SLC36A1: variants seen among roughly 807,000 people sequenced by gnomAD.
SLC36A1 encodes the protein proton-coupled amino acid transporter 1.
In SLC36A1, 30 loss-of-function variants were observed where a neutral mutation model predicts 47.5. The ratio of observed to expected loss-of-function variants is 0.63; its 90% CI spans 0.47 to 0.86. The LOEUF (loss-of-function observed/expected upper bound fraction) is 0.86. Ranked by LOEUF, SLC36A1 falls within the 40% of genes least tolerant of loss-of-function variation. SLC36A1 has a pLI of 0.00. For synonymous variants in SLC36A1, 255 were observed against 249.7 expected, an observed-to-expected ratio of 1.02 and a Z score of -0.20; for missense variants, 517 against 606.0, an observed-to-expected ratio of 0.85 and a Z score of 1.54.
the SLC36A1 span, chr5:151,347,596 G>A: frequency 1.8e-3 from 1,958 of 1,073,902 alleles, 2 homozygotes; most frequent in Admixed American, 2.3e-3. Context: ...AAGCTGGAAC[G>A]AGGCCCCGCC....
At chr5:151,461,296 T>C (rs887997666) in intron 2 of SLC36A1, among the ~76,000 whole-genome samples, 5 of 152,000 alleles carry the variant, frequency 3.3e-5, no homozygotes, top group Admixed American at 1.3e-4. Flanking sequence ...ACCTGTGAAT[T>C]ATTTCTTAGT....
the SLC36A1 span, among the ~76,000 whole-genome samples, chr5:151,409,722 C>T: frequency 6.6e-6 from 1 of 152,164 alleles, no homozygotes; most frequent in Non-Finnish European, 1.5e-5. Context: ...TTGAGTAGTT[C>T]AATTGCGCTG....
At chr5:151,354,165 G>A in the SLC36A1 span, among the ~76,000 whole-genome samples, 38 of 152,222 alleles carry the variant, frequency 2.5e-4, no homozygotes, top group Non-Finnish European at 5.3e-4. Context: ...TTAGCCAGGC[G>A]TGGTGGTGCA....
the SLC36A1 span, among the ~76,000 whole-genome samples, chr5:151,548,259 G>T: frequency 6.6e-6 from 1 of 151,740 alleles, no homozygotes; most frequent in South Asian, 2.1e-4. Context: ...TTTCTTCTTG[G>T]TTTCTCATAG....
intron 1 of SLC36A1, among the ~76,000 whole-genome samples, chr5:151,458,120 T>C (rs2127469101): frequency 6.6e-6 from 1 of 151,862 alleles, no homozygotes; most frequent in East Asian, 1.9e-4. Flanking sequence ...AGTGCTGGGG[T>C]TGCAGGCGTG....
chr5:151,502,653 A>G, the SLC36A1 span, among the ~76,000 whole-genome samples: 1 of 148,340 alleles, frequency 6.7e-6, no homozygotes, highest in Non-Finnish European at 1.5e-5. Context: ...AGACACCACC[A>G]AATGCTGGTG....
At chr5:151,433,253 T>C (rs1561704984), upstream of SLC36A1, among the ~76,000 whole-genome samples, 1 of 19,514 alleles carries the variant, frequency 5.1e-5, no homozygotes, top group African/African-American at 2.3e-4. Flanking sequence ...TATATATATA[T>C]ATATATATAT....
At chr5:151,373,593 T>C in the SLC36A1 span, among the ~76,000 whole-genome samples, 2 of 152,126 alleles carry the variant, frequency 1.3e-5, no homozygotes, top group Non-Finnish European at 2.9e-5. Context: ...AAAACTAAGA[T>C]AATTACTGGC....
rs10635760 is a variant in SLC36A1, at chr5:151,447,741, C to CGAG, written c.-78_-77insGAG. On this transcript the variant is annotated 5_prime_UTR_variant, in exon 1 of 11. Transcript: ENST00000243389. ...CCCGAGCAGTGAGTTCCTCCACTGG[C>CGAG]TGCCGGCTGGCGGCGCTCGCCGCCT... 106,989 of 151,918 alleles carry CGAG rather than the reference C, an allele frequency of 0.7. 39,250 individuals carry two copies. Among genetic ancestry groups the CGAG allele is most frequent in the African/African-American group, 0.92 (38,118 of 41,474 alleles). 9.4% of individuals were successfully genotyped at this position (151,918 alleles called of 1,614,324 possible).
the SLC36A1 span, among the ~76,000 whole-genome samples, chr5:151,530,612 G>C: frequency 1.3e-5 from 2 of 152,220 alleles, no homozygotes; most frequent in African/African-American, 4.8e-5. Context: ...TAACAAACCA[G>C]TTTCGAAAAG....
At chr5:151,493,129 A>G (rs1284057829), downstream of SLC36A1, among the ~76,000 whole-genome samples, 5 of 152,232 alleles carry the variant, frequency 3.3e-5, no homozygotes, top group Non-Finnish European at 7.3e-5. Flanking sequence ...GGACAGGACA[A>G]TGGAAGAGAT....
chr5:151,427,606 G>A, the SLC36A1 span, among the ~76,000 whole-genome samples: 1 of 152,204 alleles, frequency 6.6e-6, no homozygotes, highest in Non-Finnish European at 1.5e-5. Context: ...TGTCTTAGGA[G>A]TAGAGCCTGA....
chr5:151,423,606 CA>C, the SLC36A1 span, among the ~76,000 whole-genome samples: 1 of 152,120 alleles, frequency 6.6e-6, no homozygotes, highest in African/African-American at 2.4e-5. Context: ...AGACAGTAAA[CA>C]AAATCAGTGG....
the SLC36A1 span, among the ~76,000 whole-genome samples, chr5:151,547,485 A>G: frequency 2.0e-5 from 3 of 152,192 alleles, no homozygotes; most frequent in African/African-American, 7.2e-5. Context: ...TGCACTTTAC[A>G]TGTCTTATTC....
At chr5:151,456,961 AGGTAGCTGAGATAGAGTGCCCAGGCT>A (rs1754621501) in intron 1 of SLC36A1, among the ~76,000 whole-genome samples, 1 of 152,120 alleles carries the variant, frequency 6.6e-6, no homozygotes, top group Admixed American at 6.5e-5. Flanking sequence ...TCTCCTCTCA[AGGTAGCTGAGATAGAGTGCCCAGGCT>A]TAAGGTGGGC....
chr5:151,545,096 T>C, the SLC36A1 span: 1 of 1,614,144 alleles, frequency 6.2e-7, no homozygotes, highest in Admixed American at 1.7e-5. Context: ...ATATGAAACA[T>C]ATCTGTGCCA....
the SLC36A1 span, chr5:151,545,308 GT>G: frequency 6.2e-7 from 1 of 1,614,164 alleles, no homozygotes; most frequent in Non-Finnish European, 8.5e-7. Flanking sequence ...AGCCCTGATG[GT>G]GAGCTTCCGA....
intron 7 of SLC36A1, among the ~76,000 whole-genome samples, chr5:151,472,195 C>G (rs1757403823): frequency 6.6e-6 from 1 of 152,236 alleles, no homozygotes; most frequent in African/African-American, 2.4e-5. Flanking sequence ...AGCAAGGAAG[C>G]CAGTCCAAGT....
chr5:151,415,904 G>A, the SLC36A1 span, among the ~76,000 whole-genome samples: 1 of 152,096 alleles, frequency 6.6e-6, no homozygotes, highest in Non-Finnish European at 1.5e-5. Flanking sequence ...TCAGGAGTTC[G>A]AGACCAGCCT....
Sources: allele counts gnomAD v4.1 joint callset (sites outside exome capture counted in the v4.1 genomes callset), GRCh38; gene constraint gnomAD v4.1.1; transcripts MANE v1.5; gene names NCBI Gene and HGNC (gene_info 2026-07-23, HGNC 2026-07-21).